Variants in MB21D2 observed in about 807,000 individuals in gnomAD.
MB21D2 encodes the protein Mab-21 domain containing 2.
Under a neutral mutation model 33.3 loss-of-function variants are expected in MB21D2, and 9 were observed. The ratio of observed to expected loss-of-function variants is 0.27; its 90% CI spans 0.16 to 0.47. The LOEUF (loss-of-function observed/expected upper bound fraction) is 0.47, where lower values mean the gene tolerates loss of function less well. Ranked by LOEUF, MB21D2 falls within the 20% of genes least tolerant of loss-of-function variation. The probability of loss-of-function intolerance (pLI) is 0.99; values close to 1 mark genes in which losing one functional copy is unlikely to be tolerated. For missense variants in MB21D2, 540 were observed against 624.6 expected, an observed-to-expected ratio of 0.86 and a Z score of 1.44; for synonymous variants, 241 against 236.3, an observed-to-expected ratio of 1.02 and a Z score of -0.18.
chr3:192,875,057 T>A (rs1389851755), intron 1 of MB21D2, among the ~76,000 whole-genome samples: 1 of 151,862 alleles, frequency 6.6e-6, no homozygotes, highest in Non-Finnish European at 1.5e-5. Flanking sequence ...CTAATTTGGG[T>A]GTGCCACCTA....
chr3:192,866,052 AAT>A (rs1251457741), intron 1 of MB21D2, among the ~76,000 whole-genome samples: 1 of 151,956 alleles, frequency 6.6e-6, no homozygotes. Context: ...TGTCTAAAAA[AAT>A]AAATAAATAA....
chr3:192,874,226 AC>A (rs1713381385), intron 1 of MB21D2, among the ~76,000 whole-genome samples: 1 of 152,198 alleles, frequency 6.6e-6, no homozygotes, highest in Non-Finnish European at 1.5e-5. Flanking sequence ...ACTGGGCTGT[AC>A]ATAAAAATTT....
intron 1 of MB21D2, among the ~76,000 whole-genome samples, chr3:192,846,598 A>T (rs1288989355): frequency 6.6e-6 from 1 of 152,150 alleles, no homozygotes; most frequent in Non-Finnish European, 1.5e-5. Flanking sequence ...GAACTTGGAG[A>T]TTTGGGATCT....
chr3:192,819,403 C>T (rs143946614), intron 1 of MB21D2, among the ~76,000 whole-genome samples: 22 of 152,260 alleles, frequency 1.4e-4, no homozygotes, highest in Non-Finnish European at 2.8e-4. Flanking sequence ...GCTGGGCCTC[C>T]GGAGAAGCCC....
At chr3:192,890,369 A>G (rs1282127164) in intron 1 of MB21D2, among the ~76,000 whole-genome samples, 5 of 152,076 alleles carry the variant, frequency 3.3e-5, no homozygotes, top group African/African-American at 4.8e-5. Context: ...TACTTAGGGA[A>G]ATCATAATTT....
intron 1 of MB21D2, among the ~76,000 whole-genome samples, chr3:192,841,609 C>T (rs1041870902): frequency 2.6e-5 from 4 of 152,338 alleles, no homozygotes; most frequent in Admixed American, 2.0e-4. Context: ...CCAAAGGCTG[C>T]GGCTCTGGCC....
In MB21D2 at chr3:192,865,969, G is replaced by C. The variant is rs114513499; in HGVS notation, c.211+51661C>G. ...CTGAGGCGGGAGGATTGCTGGGGCCGGGGAGGTTGTTGAGGCTGCAGTGAG... is the reference window on the plus strand; with the variant it reads ...CTGAGGCGGGAGGATTGCTGGGGCCCGGGAGGTTGTTGAGGCTGCAGTGAG... On this transcript the variant is annotated intron_variant, in intron 1 of 1. Coordinates refer to ENST00000392452, the MANE Select transcript of MB21D2 (RefSeq NM_178496.4). Among the ~76,000 whole-genome samples the C allele has an allele frequency of 5.3e-3, 800 of 152,098 alleles. 7 individuals carry two copies. Among genetic ancestry groups the C allele is most frequent in the African/African-American group, 0.018 (764 of 41,462 alleles).
intron 1 of MB21D2, among the ~76,000 whole-genome samples, chr3:192,870,443 C>A (rs537654122): frequency 1.3e-5 from 2 of 152,208 alleles, no homozygotes; most frequent in East Asian, 1.9e-4. Context: ...GTAATCCCAG[C>A]ACTTTGGGAG....
At chr3:192,852,585 G>A (rs1316893495) in intron 1 of MB21D2, among the ~76,000 whole-genome samples, 1 of 152,076 alleles carries the variant, frequency 6.6e-6, no homozygotes, top group Non-Finnish European at 1.5e-5. Context: ...ATAGTGAAAA[G>A]AAAAAACAGA....
At chr3:192,815,708 C>T (rs1213533099) in intron 1 of MB21D2, among the ~76,000 whole-genome samples, 1 of 152,116 alleles carries the variant, frequency 6.6e-6, no homozygotes, top group Non-Finnish European at 1.5e-5. Context: ...AGGTCTCATT[C>T]TGTACAATTG....
intron 1 of MB21D2, among the ~76,000 whole-genome samples, chr3:192,860,905 G>T (rs1003582644): frequency 6.6e-6 from 1 of 152,164 alleles, no homozygotes; most frequent in Non-Finnish European, 1.5e-5. Flanking sequence ...AAAGCAGAAT[G>T]AGAAAATAAA....
chr3:192,819,979 T>C (rs1430818222), intron 1 of MB21D2, among the ~76,000 whole-genome samples: 1 of 151,904 alleles, frequency 6.6e-6, no homozygotes, highest in Non-Finnish European at 1.5e-5. Flanking sequence ...TACAAGGGGG[T>C]AGGGGAATCA....
chr3:192,865,814 G>A (rs763729292), intron 1 of MB21D2, among the ~76,000 whole-genome samples: 7 of 152,156 alleles, frequency 4.6e-5, no homozygotes, highest in Admixed American at 1.3e-4. Context: ...GGGAGGTGAA[G>A]GCAGGAGGAT....
chr3:192,917,814 G>A lies in MB21D2; in HGVS notation c.27C>T (p.Asn9=). The change falls in exon 1 of 2, where the codon AAC becomes AAT. Residue 9 remains asparagine (N), a synonymous_variant. Coordinates refer to ENST00000392452, the MANE Select transcript of MB21D2 (RefSeq NM_178496.4). The part of the protein sequence containing the change: MKMAAPTA[N]KAASLGCNNK... Reference sequence around the variant, plus strand: ...TGTTACAGCCCAGGGAGGCTGCCTTGTTGGCGGTGGGAGCCGCCATCTTCA... The same window carrying A: ...TGTTACAGCCCAGGGAGGCTGCCTTATTGGCGGTGGGAGCCGCCATCTTCA... 1.2e-6 allele frequency: 2 copies of A among 1,611,154 alleles called. No individual in the cohort carries two copies. Among genetic ancestry groups the A allele is most frequent in the Non-Finnish European group, 8.5e-7 (1 of 1,178,882 alleles).
At chr3:192,842,508 C>T (rs1323899646) in intron 1 of MB21D2, among the ~76,000 whole-genome samples, 1 of 152,192 alleles carries the variant, frequency 6.6e-6, no homozygotes, top group Non-Finnish European at 1.5e-5. Flanking sequence ...ACTATGTAAG[C>T]TTCGTTTCCT....
intron 1 of MB21D2, among the ~76,000 whole-genome samples, chr3:192,855,494 G>A (rs771861840): frequency 1.2e-4 from 18 of 152,148 alleles, no homozygotes; most frequent in African/African-American, 2.7e-4. Context: ...AAATTTGTGC[G>A]ATTCACTTTA....
chr3:192,809,467 C>T (rs1711739712), intron 1 of MB21D2, among the ~76,000 whole-genome samples: 1 of 152,158 alleles, frequency 6.6e-6, no homozygotes, highest in Non-Finnish European at 1.5e-5. Context: ...GCCATGATAG[C>T]TGACCTGGGA....
At chr3:192,882,302 C>T (rs765618164) in intron 1 of MB21D2, among the ~76,000 whole-genome samples, 4 of 151,992 alleles carry the variant, frequency 2.6e-5, no homozygotes, top group East Asian at 1.9e-4. Flanking sequence ...CTCGAACTCC[C>T]GACCTCAGGT....
intron 1 of MB21D2, among the ~76,000 whole-genome samples, chr3:192,868,851 A>G (rs896357071): frequency 2.6e-5 from 4 of 152,226 alleles, no homozygotes; most frequent in African/African-American, 9.6e-5. Flanking sequence ...TGGCTAGCTA[A>G]GCAAACTATC....
Sources: allele counts gnomAD v4.1 joint callset (sites outside exome capture counted in the v4.1 genomes callset), GRCh38; gene constraint gnomAD v4.1.1; transcripts MANE v1.5; gene names NCBI Gene and HGNC (gene_info 2026-07-23, HGNC 2026-07-21).